The following ZFHX3 variants were observed in gnomAD, a reference collection of about 807,000 sequenced individuals.
The protein encoded by ZFHX3 is zinc finger homeobox protein 3.
A neutral mutation model predicts 279.1 loss-of-function variants in ZFHX3; 42 were observed. The observed-to-expected ratio is 0.15, with a 90% CI of 0.12 to 0.19. ZFHX3 has a LOEUF of 0.19. Ranked by LOEUF, ZFHX3 falls within the 10% of genes least tolerant of loss-of-function variation. ZFHX3 has a pLI of 1.00. For missense variants in ZFHX3, 4,981 were observed against 4,754.0 expected (o/e 1.05, Z -1.40); for synonymous variants, 2,293 against 1,957.8 (o/e 1.17, Z -4.52).
At chr16:73,024,812 C>T (rs572853702) in intron 1 of ZFHX3, among the ~76,000 whole-genome samples, 2 of 152,280 alleles carry the variant, frequency 1.3e-5, no homozygotes, top group African/African-American at 2.4e-5. Flanking sequence ...CTCCACTCCA[C>T]GAAGAATTAC....
intron 2 of ZFHX3, among the ~76,000 whole-genome samples, chr16:73,602,860 T>A (rs916031802): frequency 6.6e-6 from 1 of 151,188 alleles, no homozygotes; most frequent in Non-Finnish European, 1.5e-5. Context: ...AGCAGGAGAA[T>A]TGCTTGAACC....
At chr16:73,280,185 G>A (rs573274380) in intron 4 of ZFHX3, among the ~76,000 whole-genome samples, 3 of 152,162 alleles carry the variant, frequency 2.0e-5, no homozygotes, top group South Asian at 2.1e-4. Context: ...AGAACATAGG[G>A]GAAAAGATCC....
chr16:72,954,371 AAAAAAAAGAAATG>A, intron 2 of ZFHX3, among the ~76,000 whole-genome samples: 1 of 152,150 alleles, frequency 6.6e-6, no homozygotes, highest in East Asian at 1.9e-4. Flanking sequence ...ACTCCATCTC[AAAAAAAAGAAATG>A]AAAAAAAGAA....
intron 3 of ZFHX3, among the ~76,000 whole-genome samples, chr16:73,349,955 C>A (rs1388573354): frequency 6.7e-6 from 1 of 149,236 alleles, no homozygotes; most frequent in Admixed American, 6.7e-5. Context: ...TTCCATGGAT[C>A]CTTGAGAACT....
At position 73,465,672 on chromosome 16, in the gene ZFHX3, T is replaced by C. The variant is rs533212086; in HGVS notation, c.-1546-9414A>G. On this transcript the variant is annotated intron_variant, in intron 2 of 17. Transcript: ENST00000641206. ...TGCTGTTTCAGAACACATCATCGAA[T>C]GCTCAGCTCTGGGTCTTTGCTTACG... 2.6e-5 allele frequency among the ~76,000 whole-genome samples: 4 copies of C among 152,196 alleles called. No individual in the cohort carries two copies. The East Asian group carries it at 7.7e-4, about 29-fold the overall frequency.
intron 4 of ZFHX3, among the ~76,000 whole-genome samples, chr16:73,285,814 G>T (rs993810368): frequency 1.3e-5 from 2 of 152,098 alleles, no homozygotes; most frequent in Non-Finnish European, 2.9e-5. Context: ...GTTTTTGGCT[G>T]TTGTTTTTCA....
At chr16:72,814,401 G>A (rs1349354451) in intron 5 of ZFHX3, among the ~76,000 whole-genome samples, 1 of 152,124 alleles carries the variant, frequency 6.6e-6, no homozygotes, top group African/African-American at 2.4e-5. Context: ...AATGGGCACC[G>A]AGGCTGAGAC....
chr16:72,897,847 G>A (rs1364344101), intron 3 of ZFHX3, among the ~76,000 whole-genome samples: 1 of 150,792 alleles, frequency 6.6e-6, no homozygotes, highest in Non-Finnish European at 1.5e-5. Flanking sequence ...ACTCCTGCAA[G>A]GTCACACAGA....
At chr16:73,607,580 T>C (rs1173835538) in intron 2 of ZFHX3, among the ~76,000 whole-genome samples, 1 of 152,214 alleles carries the variant, frequency 6.6e-6, no homozygotes, top group Non-Finnish European at 1.5e-5. Context: ...ATGATTGTTT[T>C]TGAAGATCCA....
chr16:73,874,346 T>G (rs2029888525), intron 1 of ZFHX3, among the ~76,000 whole-genome samples: 2 of 152,210 alleles, frequency 1.3e-5, no homozygotes, highest in Admixed American at 1.3e-4. Context: ...GGAAGAATTC[T>G]TTGATGTCTG....
At chr16:73,623,356 G>A (rs574215734) in intron 2 of ZFHX3, among the ~76,000 whole-genome samples, 16 of 152,244 alleles carry the variant, frequency 1.1e-4, no homozygotes, top group African/African-American at 3.9e-4. Context: ...TATTTTTGAA[G>A]TGCAACATAT....
At chr16:73,025,231 G>A (rs930299144) in intron 1 of ZFHX3, among the ~76,000 whole-genome samples, 16 of 152,066 alleles carry the variant, frequency 1.1e-4, no homozygotes, top group Admixed American at 2.6e-4. Flanking sequence ...CACAACGACC[G>A]CCCTGCACCG....
chr16:73,319,703 C>A (rs1003116618), intron 3 of ZFHX3, among the ~76,000 whole-genome samples: 4 of 152,216 alleles, frequency 2.6e-5, no homozygotes, highest in Non-Finnish European at 4.4e-5. Flanking sequence ...TAGTGCCACA[C>A]TGGCCTTTCT....
At position 73,617,770 on chromosome 16, in the gene ZFHX3, G is replaced by GT. The variant is rs201702079; in HGVS notation, c.-1547+62409dup. On this transcript the variant is annotated intron_variant, in intron 2 of 17. Transcript: ENST00000641206. Reference sequence around the variant, plus strand: ...GGGAGGGCTCTCAAAATGTTAACTTGTTTTTTTTTAAAAAATCTCACTCAA... The same window carrying GT: ...GGGAGGGCTCTCAAAATGTTAACTTGTTTTTTTTTTAAAAAATCTCACTCAA... 3.2e-3 allele frequency among the ~76,000 whole-genome samples: 488 copies of GT among 151,460 alleles called. 3 individuals are homozygous for GT. The highest frequency in any genetic ancestry group is 0.01 in the African/African-American group (418 of 41,270).
At chr16:73,193,109 G>A (rs903863481) in intron 5 of ZFHX3, among the ~76,000 whole-genome samples, 6 of 152,336 alleles carry the variant, frequency 3.9e-5, no homozygotes, top group East Asian at 3.9e-4. Context: ...GTGGATGCAC[G>A]TGGAATTCCT....
At chr16:73,135,401 G>A (rs1323539808) in intron 6 of ZFHX3, among the ~76,000 whole-genome samples, 1 of 152,158 alleles carries the variant, frequency 6.6e-6, no homozygotes, top group Non-Finnish European at 1.5e-5. Context: ...GAGAGAAAAA[G>A]GATTTATTTT....
chr16:73,773,766 G>A (rs2054046539), intron 1 of ZFHX3, among the ~76,000 whole-genome samples: 2 of 152,124 alleles, frequency 1.3e-5, no homozygotes, highest in South Asian at 2.1e-4. Context: ...CACCTAGGGG[G>A]CAAATGTAAA....
intron 2 of ZFHX3, among the ~76,000 whole-genome samples, chr16:73,563,171 TGTGTG>T (rs1259647077): frequency 0.18 from 466 of 2,548 alleles, no homozygotes; most frequent in Non-Finnish European, 0.28. Flanking sequence ...TTTGTTTTGT[TGTGTG>T]TGTGTGTGTG....
chr16:73,385,484 C>A (rs531345249), intron 3 of ZFHX3, among the ~76,000 whole-genome samples: 3 of 152,132 alleles, frequency 2.0e-5, no homozygotes, highest in African/African-American at 7.2e-5. Context: ...CAGCTCCAAT[C>A]TCTCCAACTG....
Sources: allele counts gnomAD v4.1 joint callset (sites outside exome capture counted in the v4.1 genomes callset), GRCh38; gene constraint gnomAD v4.1.1; transcripts MANE v1.5; gene names NCBI Gene and HGNC (gene_info 2026-07-23, HGNC 2026-07-21).